The following SBF2 variants were observed in gnomAD, a reference collection of about 807,000 sequenced individuals.
SBF2 encodes the protein SET binding factor 2, also known as myotubularin-related protein 13.
In SBF2, 112 loss-of-function variants were observed where a neutral mutation model predicts 225.2. The ratio of observed to expected loss-of-function variants is 0.50; its 90% CI spans 0.43 to 0.58. The LOEUF is 0.58. SBF2 is among the 20% of genes least tolerant of loss of function. The probability of loss-of-function intolerance (pLI) is 0.00; values close to 1 mark genes in which losing one functional copy is unlikely to be tolerated. For synonymous variants in SBF2, 763 were observed against 773.3 expected, an observed-to-expected ratio of 0.99 and a Z score of 0.22; for missense variants, 1,996 against 2,206.2, an observed-to-expected ratio of 0.90 and a Z score of 1.91.
chr11:10,222,985 G>A (rs967870969), intron 1 of SBF2, among the ~76,000 whole-genome samples: 7 of 151,824 alleles, frequency 4.6e-5, no homozygotes, highest in Admixed American at 3.9e-4. Flanking sequence ...CTTCAGAGAC[G>A]TTTTATCGGT....
chr11:10,140,549 G>C lies in SBF2; in HGVS notation c.141+53353C>G, dbSNP rs1023078435. ...CCCTTAAGTGTCCTATGTGTGTCTT[G>C]CATTTGGTTATTCCTGAGTTGTATT... On this transcript the variant is annotated intron_variant, in intron 2 of 39. Transcript: ENST00000256190. 5.3e-5 allele frequency among the ~76,000 whole-genome samples: 8 copies of C among 152,112 alleles called. No homozygotes were observed. In the East Asian group the frequency reaches 1.5e-3, roughly 29 times the overall value.
intron 31 of SBF2, 109 bp downstream of exon 31, chr11:9,808,792 C>G (rs1237950596): frequency 4.8e-6 from 4 of 832,356 alleles, no homozygotes; most frequent in Non-Finnish European, 7.8e-6. Context: ...AGGACTTTCT[C>G]TGTCCATAAA....
chr11:9,943,075 G>C (rs1009013770), intron 16 of SBF2, among the ~76,000 whole-genome samples: 3 of 152,066 alleles, frequency 2.0e-5, no homozygotes, highest in African/African-American at 7.2e-5. Flanking sequence ...ATCCTGAATG[G>C]AGTCACATAT....
chr11:9,954,458 A>C (rs145631261), intron 16 of SBF2, among the ~76,000 whole-genome samples: 2 of 152,340 alleles, frequency 1.3e-5, no homozygotes, highest in African/African-American at 4.8e-5. Context: ...GTGACACATT[A>C]AACAAATAAC....
chr11:10,131,826 T>A (rs1954071638), intron 2 of SBF2, among the ~76,000 whole-genome samples: 1 of 152,214 alleles, frequency 6.6e-6, no homozygotes, highest in African/African-American at 2.4e-5. Flanking sequence ...TCATTCTCAT[T>A]ACAGGGTATT....
chr11:10,259,687 A>G (rs1000096561), intron 1 of SBF2, among the ~76,000 whole-genome samples: 1 of 152,212 alleles, frequency 6.6e-6, no homozygotes, highest in African/African-American at 2.4e-5. Context: ...AAAATGTTAC[A>G]TCAACACCAG....
At chr11:10,111,337 G>A (rs778276575) in intron 2 of SBF2, among the ~76,000 whole-genome samples, 3 of 152,136 alleles carry the variant, frequency 2.0e-5, no homozygotes, top group South Asian at 2.1e-4. Flanking sequence ...TTTCCCACAT[G>A]CATCAGAAAT....
At chr11:10,014,505 T>TAAAAAAAAAAAA (rs1181315538) in intron 6 of SBF2, among the ~76,000 whole-genome samples, 3 of 70,804 alleles carry the variant, frequency 4.2e-5, no homozygotes, top group Non-Finnish European at 7.5e-5. Context: ...CCATTTCAAC[T>TAAAAAAAAAAAA]AAAAAAAAAA....
chr11:10,049,059 G>A (rs1457359753), intron 2 of SBF2, among the ~76,000 whole-genome samples: 2 of 152,116 alleles, frequency 1.3e-5, no homozygotes, highest in African/African-American at 4.8e-5. Context: ...ATATTTTTGA[G>A]ATTTGATTTT....
intron 29 of SBF2, among the ~76,000 whole-genome samples, chr11:9,816,215 G>A (rs1027700515): frequency 1.3e-5 from 2 of 152,150 alleles, no homozygotes; most frequent in African/African-American, 4.8e-5. Context: ...TACAATTTAT[G>A]GGCCCTCAGC....
chr11:10,042,734 T>C (rs1232612095), intron 3 of SBF2, 110 bp downstream of exon 3: 2 of 1,101,776 alleles, frequency 1.8e-6, no homozygotes, highest in Middle Eastern at 2.9e-4. Flanking sequence ...ATGCTTCTTA[T>C]GCTAGCCCAT....
chr11:10,129,856 AAAC>A (rs1449360025), intron 2 of SBF2, among the ~76,000 whole-genome samples: 1 of 152,098 alleles, frequency 6.6e-6, no homozygotes. Context: ...ACAAACAAAC[AAAC>A]ATTAATGAGG....
intron 16 of SBF2, chr11:9,929,104 A>G: frequency 3.1e-6 from 1 of 324,370 alleles, no homozygotes. Flanking sequence ...GAAGTTGACA[A>G]CAACCAAGTG....
At chr11:10,012,994 G>A (rs898925881) in intron 6 of SBF2, among the ~76,000 whole-genome samples, 1 of 152,118 alleles carries the variant, frequency 6.6e-6, no homozygotes, top group South Asian at 2.1e-4. Flanking sequence ...AAGCTTCTAC[G>A]TACTGCTGAC....
intron 2 of SBF2, among the ~76,000 whole-genome samples, chr11:10,062,992 G>C (rs749679486): frequency 3.7e-4 from 57 of 152,118 alleles, no homozygotes; most frequent in Admixed American, 2.2e-3. Context: ...TATACACATG[G>C]AATATCATGC....
intron 16 of SBF2, among the ~76,000 whole-genome samples, chr11:9,898,441 C>G (rs908217880): frequency 6.6e-6 from 1 of 152,118 alleles, no homozygotes; most frequent in Admixed American, 6.5e-5. Flanking sequence ...GAGGCAGAGG[C>G]GGGTGGATCA....
chr11:10,141,360 T>C (rs1954635045), intron 2 of SBF2, among the ~76,000 whole-genome samples: 1 of 152,198 alleles, frequency 6.6e-6, no homozygotes, highest in Non-Finnish European at 1.5e-5. Context: ...AATTTTTCCA[T>C]TTCAAACAGT....
intron 16 of SBF2, among the ~76,000 whole-genome samples, chr11:9,955,958 G>A (rs1866138103): frequency 6.6e-6 from 1 of 151,960 alleles, no homozygotes; most frequent in Non-Finnish European, 1.5e-5. Flanking sequence ...TTTGTAAAGT[G>A]GATCCATATT....
chr11:9,899,557 A>C (rs1486106449), intron 16 of SBF2, among the ~76,000 whole-genome samples: 3 of 151,466 alleles, frequency 2.0e-5, no homozygotes, highest in Non-Finnish European at 2.9e-5. Context: ...TTGTTTAATG[A>C]ATCTCAACAG....
Sources: allele counts gnomAD v4.1 joint callset (sites outside exome capture counted in the v4.1 genomes callset), GRCh38; gene constraint gnomAD v4.1.1; transcripts MANE v1.5; gene names NCBI Gene and HGNC (gene_info 2026-07-23, HGNC 2026-07-21).